POLR3H: variants seen among roughly 807,000 people sequenced by gnomAD.
The protein encoded by POLR3H is RNA polymerase III subunit H.
A neutral mutation model predicts 25.5 loss-of-function variants in POLR3H; 17 were observed. The observed-to-expected ratio is 0.67, with a 90% CI of 0.46 to 1.00. POLR3H has a LOEUF of 1.00. Among genes scored for constraint, POLR3H ranks in the 50% least tolerant of loss-of-function variants. The probability of loss-of-function intolerance (pLI) is 0.00; values close to 1 mark genes in which losing one functional copy is unlikely to be tolerated. For missense variants in POLR3H, 274 were observed against 265.0 expected (o/e 1.03, Z -0.24); for synonymous variants, 129 against 103.0 (o/e 1.25, Z -1.53).
intron 5 of POLR3H, chr22:41,529,718 C>T: frequency 1.9e-6 from 1 of 537,290 alleles, no homozygotes; most frequent in South Asian, 1.5e-5. Context: ...TTTTATTTCA[C>T]TGCTGCAATG....
rs540096897 is a variant in POLR3H, at chr22:41,527,604, C to T, written c.*1679G>A. 6.6e-6 allele frequency: 6 copies of T among 908,858 alleles called. No homozygotes were observed. Among genetic ancestry groups the T allele is most frequent in the Non-Finnish European group, 9.7e-6 (6 of 617,566 alleles). 56.3% of individuals were successfully genotyped at this position (908,858 alleles called of 1,614,324 possible). The stretch of plus-strand genomic sequence containing the variant: ...ATCCGACGCTCAGCTTCCCGGCTTC[C>T]CGCAGGCCCTGCTTCCAGGCTTGTA... On this transcript the variant is annotated 3_prime_UTR_variant, in exon 6 of 6. Coordinates refer to ENST00000355209, the MANE Select transcript of POLR3H (RefSeq NM_001018050.4).
At position 41,527,583 on chromosome 22, in the gene POLR3H, G is replaced by T; in HGVS notation, c.*1700C>A. On this transcript the variant is annotated 3_prime_UTR_variant, in exon 6 of 6. Transcript: ENST00000355209. ...TCTTAGGCTCACACAGTGCACATCC[G>T]ACGCTCAGCTTCCCGGCTTCCCGCA... 9.7e-7 allele frequency: 1 copy of T among 1,026,236 alleles called. No individual in the cohort carries two copies. The highest frequency in any genetic ancestry group is 1.6e-5 in the African/African-American group (1 of 62,060). 63.6% of individuals were successfully genotyped at this position (1,026,236 alleles called of 1,614,324 possible). A position where few individuals can be genotyped will look rare whatever the true frequency, so the allele number is the denominator to read the frequency against.
intron 5 of POLR3H, among the ~76,000 whole-genome samples, chr22:41,530,132 A>C (rs2066698083): frequency 6.8e-6 from 1 of 147,960 alleles, no homozygotes; most frequent in Admixed American, 6.8e-5. Context: ...ACCCCTCCCT[A>C]CCCCCCAATT....
chr22:41,536,467 G>A (rs961529218), intron 2 of POLR3H, among the ~76,000 whole-genome samples: 7 of 151,568 alleles, frequency 4.6e-5, no homozygotes, highest in Admixed American at 2.0e-4. Flanking sequence ...TAATGCCACT[G>A]ACTTACACAC....
rs566032025 is a variant in POLR3H, at chr22:41,533,588, C to T, written c.209-843G>A. 1.4e-4 allele frequency: 183 copies of T among 1,297,972 alleles called. No homozygotes were observed. In the African/African-American group the frequency reaches 2.5e-3, roughly 18 times the overall value. 80.4% of individuals were successfully genotyped at this position (1,297,972 alleles called of 1,614,324 possible). A position where few individuals can be genotyped will look rare whatever the true frequency, so the allele number is the denominator to read the frequency against. ...GTTTAATCCCAAACACAGGCTTCCA[C>T]GATGCCGTCAACCATTTAGTCGGCC... On this transcript the variant is annotated intron_variant, in intron 2 of 5. Coordinates refer to ENST00000355209, the MANE Select transcript of POLR3H (RefSeq NM_001018050.4).
intron 1 of POLR3H, among the ~76,000 whole-genome samples, chr22:41,542,684 G>A (rs1006642858): frequency 1.3e-5 from 2 of 152,142 alleles, no homozygotes; most frequent in Admixed American, 6.5e-5. Context: ...CTATAGCACA[G>A]AGCCTTGTCT....
rs1851794411 is a variant in POLR3H, at chr22:41,526,686, T to G, written c.*2597A>C. The stretch of plus-strand genomic sequence containing the variant: ...TGCACCAGGAGGAGTTAGTGAGAGA[T>G]ATCTTAGGATATCTGGCCCTAGACA... On this transcript the variant is annotated 3_prime_UTR_variant, in exon 6 of 6. Coordinates refer to ENST00000355209, the MANE Select transcript of POLR3H (RefSeq NM_001018050.4). The G allele has an allele frequency of 8.4e-6, 4 of 476,700 alleles. No individual in the cohort carries two copies. The highest frequency in any genetic ancestry group is 3.9e-5 in the African/African-American group (2 of 51,200). 29.5% of individuals were successfully genotyped at this position (476,700 alleles called of 1,614,324 possible).
At chr22:41,543,957 G>C in intron 1 of POLR3H, 34 bp downstream of exon 1, 1 of 1,521,980 alleles carries the variant, frequency 6.6e-7, no homozygotes, top group Non-Finnish European at 9.1e-7. Context: ...GCTCTCCCAC[G>C]CCAAGGCCTG....
chr22:41,526,709 A>C lies in POLR3H; in HGVS notation c.*2574T>G. 1 of 446,030 alleles carries C rather than the reference A, an allele frequency of 2.2e-6. No individual in the cohort carries two copies. Among genetic ancestry groups the C allele is most frequent in the Non-Finnish European group, 4.0e-6 (1 of 249,474 alleles). The allele number at this position is 446,030 out of a possible 1,614,324, so 27.6% of individuals were successfully genotyped here. On this transcript the variant is annotated 3_prime_UTR_variant, in exon 6 of 6. Coordinates refer to ENST00000355209, the MANE Select transcript of POLR3H (RefSeq NM_001018050.4). ...GATATCTTAGGATATCTGGCCCTAG[A>C]CAAAGACAAGGAAGGGGGCCGACTC...
chr22:41,536,167 C>T (rs984198352), intron 2 of POLR3H, among the ~76,000 whole-genome samples: 3 of 150,892 alleles, frequency 2.0e-5, no homozygotes, highest in Admixed American at 6.6e-5. Context: ...CCAAGGCGGG[C>T]GGATCACGAG....
intron 2 of POLR3H, among the ~76,000 whole-genome samples, chr22:41,537,790 T>C (rs1001500668): frequency 6.6e-6 from 1 of 151,972 alleles, no homozygotes; most frequent in Non-Finnish European, 1.5e-5. Context: ...AATCTTCCAA[T>C]TGAATAGACA....
At position 41,526,472 on chromosome 22, in the gene POLR3H, G is replaced by C. The variant is rs748694198; in HGVS notation, c.*2811C>G. On this transcript the variant is annotated 3_prime_UTR_variant, in exon 6 of 6. Coordinates refer to ENST00000355209, the MANE Select transcript of POLR3H (RefSeq NM_001018050.4). Reference sequence around the variant, plus strand: ...CTACAAGGTGGGTCAGAGTTGATAGGGGCAATGCCAGTGGTCACTCCTGAA... The same window carrying C: ...CTACAAGGTGGGTCAGAGTTGATAGCGGCAATGCCAGTGGTCACTCCTGAA... 6.2e-7 allele frequency: 1 copy of C among 1,603,090 alleles called. No individual in the cohort carries two copies. The highest frequency in any genetic ancestry group is 8.5e-7 in the Non-Finnish European group (1 of 1,172,796).
At chr22:41,532,443 A>G (rs752144539) in intron 3 of POLR3H, among the ~76,000 whole-genome samples, 5 of 152,132 alleles carry the variant, frequency 3.3e-5, no homozygotes, top group Non-Finnish European at 5.9e-5. Context: ...TTCAGTGCCC[A>G]CCCTGAAGTC....
At chr22:41,532,520 G>T in intron 3 of POLR3H, 139 bp downstream of exon 3, 1 of 1,475,726 alleles carries the variant, frequency 6.8e-7, no homozygotes, top group Non-Finnish European at 9.2e-7. Context: ...ATAAAAGGGA[G>T]GGTGGGCAAG....
intron 3 of POLR3H, 50 bp downstream of exon 3, chr22:41,532,609 G>A (rs1449000950): frequency 6.2e-7 from 1 of 1,613,412 alleles, no homozygotes; most frequent in African/African-American, 1.3e-5. Context: ...CAGACCTCCT[G>A]CCCCCACAGT....
chr22:41,544,125 G>A lies in POLR3H; in HGVS notation c.-24C>T. Reference sequence around the variant, plus strand: ...ATCCCGGCCTGCGCTGGGGGCTCTGGGAACAGGAGGGTCAGTCACGCACCA... The same window carrying A: ...ATCCCGGCCTGCGCTGGGGGCTCTGAGAACAGGAGGGTCAGTCACGCACCA... On this transcript the variant is annotated 5_prime_UTR_variant, in exon 1 of 6. Coordinates refer to ENST00000355209, the MANE Select transcript of POLR3H (RefSeq NM_001018050.4). The A allele has an allele frequency of 6.8e-7, 1 of 1,472,396 alleles. No individual in the cohort carries two copies. Among genetic ancestry groups the A allele is most frequent in the Non-Finnish European group, 9.5e-7 (1 of 1,053,560 alleles). The allele number at this position is 1,472,396 out of a possible 1,614,324, so 91.2% of individuals were successfully genotyped here.
intron 1 of POLR3H, 25 bp downstream of exon 1, chr22:41,543,966 T>G (rs963359234): frequency 1.2e-5 from 18 of 1,557,686 alleles, no homozygotes; most frequent in Non-Finnish European, 1.6e-5. Flanking sequence ...CGCCAAGGCC[T>G]GCCCGCGAGC....
chr22:41,534,241 G>A (rs1199536300), intron 2 of POLR3H, among the ~76,000 whole-genome samples: 1 of 152,190 alleles, frequency 6.6e-6, no homozygotes, highest in Non-Finnish European at 1.5e-5. Flanking sequence ...CGCCCAGGGA[G>A]CCCCAGGCTG....
chr22:41,529,778 G>C (rs1392040611), intron 5 of POLR3H: 3 of 434,712 alleles, frequency 6.9e-6, no homozygotes, highest in Non-Finnish European at 9.0e-6. Context: ...TTTTTTTTGA[G>C]ACAGTCTCGC....
Sources: gnomAD v4.1 joint callset for allele counts (sites outside exome capture counted in the v4.1 genomes callset) on GRCh38, gnomAD v4.1.1 for gene constraint, MANE v1.5 for transcripts, NCBI Gene and HGNC (gene_info 2026-07-23, HGNC 2026-07-21) for gene names.